Variants in FAM227A observed in about 807,000 individuals in gnomAD.
FAM227A encodes the protein protein FAM227A.
A neutral mutation model predicts 74.7 loss-of-function variants in FAM227A; 80 were observed. The observed-to-expected ratio is 1.07, with a 90% CI of 0.89 to 1.29. FAM227A has a LOEUF of 1.29. FAM227A is among the 50% of genes most tolerant of loss of function. The pLI, the probability that FAM227A is intolerant of heterozygous loss-of-function variation, is 0.00. For missense variants in FAM227A, 654 were observed against 683.4 expected (o/e 0.96, Z 0.48); for synonymous variants, 237 against 241.8 (o/e 0.98, Z 0.19).
intron 14 of FAM227A, 95 bp downstream of exon 14, chr22:38,599,669 G>T: frequency 2.5e-6 from 3 of 1,224,442 alleles, no homozygotes; most frequent in Non-Finnish European, 3.3e-6. Context: ...CAGGCGCTGT[G>T]CTAAGGCCTG....
At chr22:38,617,462 A>AT (rs1340297292) in intron 11 of FAM227A, among the ~76,000 whole-genome samples, 1 of 151,784 alleles carries the variant, frequency 6.6e-6, no homozygotes, top group Admixed American at 6.6e-5. Flanking sequence ...CACCCAGCTA[A>AT]TTTTTTGTAT....
intron 11 of FAM227A, among the ~76,000 whole-genome samples, chr22:38,615,493 G>A (rs956213910): frequency 2.6e-5 from 4 of 152,200 alleles, no homozygotes; most frequent in Admixed American, 6.5e-5. Flanking sequence ...GGACAAGGAG[G>A]AACCAGATTT....
At chr22:38,590,420 C>CA (rs1293478583) in intron 16 of FAM227A, among the ~76,000 whole-genome samples, 1 of 151,888 alleles carries the variant, frequency 6.6e-6, no homozygotes, top group Non-Finnish European at 1.5e-5. Flanking sequence ...TATAAGGAGA[C>CA]AGACTTGGGC....
At chr22:38,617,332 G>T (rs369782928) in intron 11 of FAM227A, among the ~76,000 whole-genome samples, 1 of 135,326 alleles carries the variant, frequency 7.4e-6, no homozygotes, top group Non-Finnish European at 1.5e-5. Context: ...GTCTTGCTCC[G>T]TCACCAAGGC....
At chr22:38,611,096 C>A (rs116474853) in intron 11 of FAM227A, among the ~76,000 whole-genome samples, 1 of 152,102 alleles carries the variant, frequency 6.6e-6, no homozygotes, top group Non-Finnish European at 1.5e-5. Flanking sequence ...ATCCATTCCC[C>A]GATGTTGTGA....
At chr22:38,605,516 C>T (rs1292248527) in intron 12 of FAM227A, among the ~76,000 whole-genome samples, 168 bp from the exon 13 acceptor site, 2 of 152,174 alleles carry the variant, frequency 1.3e-5, no homozygotes, top group Non-Finnish European at 2.9e-5. Context: ...TCTCAAACTC[C>T]TGGACTCAAG....
In FAM227A at chr22:38,650,012, T is replaced by TC. The variant is rs1358451191; in HGVS notation, c.142+14dup. On this transcript the variant is annotated intron_variant, in intron 2 of 16. Coordinates refer to ENST00000535113, the MANE Select transcript of FAM227A (RefSeq NM_001013647.2). ...GTATTTGGTCTGATTGTAGGTGACATCACCAGAAGGATACAGGGTGGATTG... is the reference window on the plus strand; with the variant it reads ...GTATTTGGTCTGATTGTAGGTGACATCCACCAGAAGGATACAGGGTGGATTG... 29 of 1,551,774 alleles carry TC rather than the reference T, an allele frequency of 1.9e-5. No homozygotes were observed. The highest frequency in any genetic ancestry group is 1.7e-5 in the Non-Finnish European group (19 of 1,146,830).
chr22:38,630,835 T>C (rs1413706256), intron 6 of FAM227A, among the ~76,000 whole-genome samples: 1 of 152,174 alleles, frequency 6.6e-6, no homozygotes, highest in African/African-American at 2.4e-5. Flanking sequence ...AGAGGGCATC[T>C]CATCTGCGCT....
Position 38,583,180 on chromosome 22 carries a change from T to C in FAM227A, c.*2945A>G. 2.3e-6 allele frequency: 1 copy of C among 427,732 alleles called. No individual in the cohort carries two copies. The highest frequency in any genetic ancestry group is 4.5e-5 in the East Asian group (1 of 22,114). 26.5% of individuals were successfully genotyped at this position (427,732 alleles called of 1,614,324 possible). On this transcript the variant is annotated 3_prime_UTR_variant, in exon 17 of 17. Transcript: ENST00000535113. ...GTTTCAGAAGACTATACTTTTTTTT[T>C]TTTTTTTTTGAGATGGAGTTTCACT...
rs1264177532 is a variant in FAM227A at position 38,582,911 on chromosome 22, C to T, written c.*3214G>A. The T allele has an allele frequency of 8.4e-6, 13 of 1,550,294 alleles. No individual in the cohort carries two copies. The highest frequency in any genetic ancestry group is 1.0e-5 in the Non-Finnish European group (12 of 1,146,980). The stretch of plus-strand genomic sequence containing the variant: ...GCTCCCAAGATGAGGGACGTCTAAG[C>T]GGGGTCCTGGAGGAAGAGCAGGAAT... On this transcript the variant is annotated 3_prime_UTR_variant, in exon 17 of 17. Transcript: ENST00000535113.
chr22:38,587,520 C>T (rs1179852924), intron 16 of FAM227A, among the ~76,000 whole-genome samples: 1 of 151,934 alleles, frequency 6.6e-6, no homozygotes, highest in Non-Finnish European at 1.5e-5. Context: ...CCAAAACTGA[C>T]TCAAGAAAAA....
intron 6 of FAM227A, among the ~76,000 whole-genome samples, chr22:38,635,951 A>G (rs1457391536): frequency 6.6e-6 from 1 of 151,902 alleles, no homozygotes; most frequent in African/African-American, 2.4e-5. Context: ...TGATAGTGCC[A>G]CTGCATTCCA....
chr22:38,631,522 C>A (rs2091914802), intron 6 of FAM227A, among the ~76,000 whole-genome samples: 1 of 152,028 alleles, frequency 6.6e-6, no homozygotes, highest in Non-Finnish European at 1.5e-5. Context: ...TGCACAGGTA[C>A]CCTCGAGTCA....
At chr22:38,633,639 T>C (rs1038706660) in intron 6 of FAM227A, among the ~76,000 whole-genome samples, 13 of 152,140 alleles carry the variant, frequency 8.5e-5, no homozygotes, top group African/African-American at 3.1e-4. Flanking sequence ...CCTCCCGGGT[T>C]CAAGCAATTC....
intron 3 of FAM227A, among the ~76,000 whole-genome samples, chr22:38,642,307 CAT>C (rs1263278190): frequency 2.0e-5 from 3 of 152,252 alleles, no homozygotes; most frequent in African/African-American, 7.2e-5. Context: ...CCAAAACTGT[CAT>C]AAATGAATTC....
In FAM227A at chr22:38,620,203, C is replaced by T. The variant is rs113593912; in HGVS notation, c.1038+9G>A. 6.5e-7 allele frequency: 1 copy of T among 1,548,334 alleles called. No individual in the cohort carries two copies. The highest frequency in any genetic ancestry group is 8.7e-7 in the Non-Finnish European group (1 of 1,144,462). ...CCAAAGGGGTCCTGGTCCGTGCCTC[C>T]CCACTTACCTGAGGGTGGTAGAATT... On this transcript the variant is annotated intron_variant, in intron 11 of 16. Transcript: ENST00000535113.
rs1009468264 is a variant in FAM227A, at chr22:38,623,276, G to A, written c.854C>T (p.Thr285Ile). ...GTCATAGCTCTGTGGGCTAGGATAG[G>A]TGCCTAAGGGAGGAGTCAAGAGTGA... ...CNTMSLWISG[T>I]YPSPQSYDSW... The change falls in exon 10 of 17, where the codon ACC (threonine) becomes ATC (isoleucine). Residue 285 changes from threonine to isoleucine, a missense_variant. By Grantham distance (89) the Thr-to-Ile change is moderately conservative (BLOSUM62 -1). Transcript: ENST00000535113. The A allele has an allele frequency of 1.7e-5, 27 of 1,549,690 alleles. No individual in the cohort carries two copies. Among genetic ancestry groups the A allele is most frequent in the Non-Finnish European group, 2.4e-5 (27 of 1,145,282 alleles).
intron 6 of FAM227A, among the ~76,000 whole-genome samples, chr22:38,631,483 C>T (rs2091914370): frequency 6.6e-6 from 1 of 152,070 alleles, no homozygotes; most frequent in Admixed American, 6.6e-5. Flanking sequence ...CAATCCTCAC[C>T]AGTATGCAAT....
chr22:38,619,332 A>AT (rs2091639531), intron 11 of FAM227A, among the ~76,000 whole-genome samples: 1 of 151,774 alleles, frequency 6.6e-6, no homozygotes, highest in Non-Finnish European at 1.5e-5. Context: ...TTATTTATTT[A>AT]TTTATTTTTG....
Sources: gnomAD v4.1 joint callset for allele counts (sites outside exome capture counted in the v4.1 genomes callset) on GRCh38, gnomAD v4.1.1 for gene constraint, MANE v1.5 for transcripts, NCBI Gene and HGNC (gene_info 2026-07-23, HGNC 2026-07-21) for gene names.